The following STK24 variants were observed in gnomAD, a reference collection of about 807,000 sequenced individuals.
STK24 encodes serine/threonine kinase 24.
In STK24, 21 loss-of-function variants were observed where a neutral mutation model predicts 55.6. The ratio of observed to expected loss-of-function variants is 0.38; its 90% CI spans 0.27 to 0.54. The LOEUF (loss-of-function observed/expected upper bound fraction) is 0.54. STK24 is among the 20% of genes least tolerant of loss of function. The probability of loss-of-function intolerance (pLI) is 0.79; values close to 1 mark genes in which losing one functional copy is unlikely to be tolerated. For missense variants in STK24, 383 were observed against 538.4 expected, an observed-to-expected ratio of 0.71 and a Z score of 2.86; for synonymous variants, 200 against 215.2, an observed-to-expected ratio of 0.93 and a Z score of 0.62.
intron 2 of STK24, among the ~76,000 whole-genome samples, chr13:98,504,503 G>A (rs1396290250): frequency 6.6e-6 from 1 of 152,244 alleles, no homozygotes; most frequent in Non-Finnish European, 1.5e-5. Flanking sequence ...GTGGTTAACA[G>A]CAATCCCGCT....
intron 10 of STK24, chr13:98,456,699 G>A (rs542951134): frequency 7.2e-5 from 27 of 374,942 alleles, no homozygotes; most frequent in African/African-American, 5.7e-4. Flanking sequence ...CCCTACCAAG[G>A]AGGCTTCCAG....
Position 98,446,728 on chromosome 13 carries a change from C to T in STK24, c.*6445G>A, listed in dbSNP as rs534082071. 15 of 1,614,142 alleles carry T rather than the reference C, an allele frequency of 9.3e-6. No homozygotes were observed. Among genetic ancestry groups the T allele is most frequent in the African/African-American group, 6.7e-5 (5 of 75,044 alleles). ...ACTCGCTCACCATCCCCTCTGAGTC[C>T]GAGAACATCCAGAAAGACTACGTGT... On this transcript the variant is annotated 3_prime_UTR_variant, in exon 11 of 11. Transcript: ENST00000539966.
At chr13:98,523,867 G>C (rs1458165498) in intron 1 of STK24, among the ~76,000 whole-genome samples, 3 of 152,242 alleles carry the variant, frequency 2.0e-5, no homozygotes, top group Non-Finnish European at 4.4e-5. Flanking sequence ...CACTGCCCCA[G>C]CGGAGGCCCC....
chr13:98,546,943 C>T (rs1250226263), intron 1 of STK24, among the ~76,000 whole-genome samples: 2 of 151,948 alleles, frequency 1.3e-5, no homozygotes, highest in Non-Finnish European at 2.9e-5. Flanking sequence ...TGGAGTTTCA[C>T]TCTTGTTGCC....
chr13:98,507,240 G>A (rs1355268149), intron 2 of STK24, among the ~76,000 whole-genome samples: 1 of 152,256 alleles, frequency 6.6e-6, no homozygotes, highest in Non-Finnish European at 1.5e-5. Flanking sequence ...TGGGGGAGAA[G>A]TACTTAAGAG....
intron 5 of STK24, among the ~76,000 whole-genome samples, chr13:98,469,438 A>T (rs1393046570): frequency 2.0e-5 from 3 of 152,040 alleles, no homozygotes; most frequent in African/African-American, 7.2e-5. Context: ...AGTTCCAGCT[A>T]CTTGGGAGGC....
chr13:98,461,884 G>C lies in STK24; in HGVS notation c.943C>G (p.Gln315Glu), dbSNP rs772629882. ...SEDSDAETDGQASGGSDSGDW... is the reference protein window; with the variant it reads ...SEDSDAETDGEASGGSDSGDW... ...CCAGAATCACTGCCCCCCGAGGCTT[G>C]GCCATCTGTTTCCCTTAACACAGAA... is the stretch of plus-strand genomic sequence containing the variant. Residue 315 changes from glutamine (Q) to glutamate (E), a missense_variant, in exon 8 of 11, where the codon CAA becomes GAA. By Grantham distance (29) the Gln-to-Glu change is conservative. Coordinates refer to ENST00000539966, the MANE Select transcript of STK24 (RefSeq NM_001032296.4). 6.2e-7 allele frequency: 1 copy of C among 1,613,996 alleles called. No individual in the cohort carries two copies. Among genetic ancestry groups the C allele is most frequent in the Non-Finnish European group, 8.5e-7 (1 of 1,179,934 alleles).
intron 2 of STK24, among the ~76,000 whole-genome samples, chr13:98,498,563 C>A (rs1895332598): frequency 6.6e-6 from 1 of 152,110 alleles, no homozygotes; most frequent in South Asian, 2.1e-4. Context: ...TGGGATGAGC[C>A]CCTAAATTCT....
chr13:98,550,091 T>A (rs965737550), intron 1 of STK24, among the ~76,000 whole-genome samples: 4 of 152,234 alleles, frequency 2.6e-5, no homozygotes, highest in Non-Finnish European at 5.9e-5. Flanking sequence ...TGGCTAGGGT[T>A]GTAACACTGC....
rs536203537 is a variant in STK24, at chr13:98,449,261, C to G, written c.*3912G>C. ...GCACCTGTCGTTATTCCTATATCCT[C>G]CTGCAACTGTGGTTTGAAACTGCGC... On this transcript the variant is annotated 3_prime_UTR_variant, in exon 11 of 11. Coordinates refer to ENST00000539966, the MANE Select transcript of STK24 (RefSeq NM_001032296.4). 1 of 152,240 alleles carries G rather than the reference C, an allele frequency of 6.6e-6. No homozygotes were observed. The highest frequency in any genetic ancestry group is 1.5e-5 in the Non-Finnish European group (1 of 68,050). The allele number at this position is 152,240 out of a possible 1,614,324, so 9.4% of individuals were successfully genotyped here. A position where few individuals can be genotyped will look rare whatever the true frequency, so the allele number is the denominator to read the frequency against.
At chr13:98,484,987 T>C (rs1313352856) in intron 2 of STK24, among the ~76,000 whole-genome samples, 1 of 152,304 alleles carries the variant, frequency 6.6e-6, no homozygotes, top group East Asian at 1.9e-4. Context: ...TTGAGGTCAC[T>C]GCGTCTCAAA....
rs1555306354 is a variant in STK24 at position 98,503,041 on chromosome 13, T to TTTTTTTTTTTTTTTTC, written c.273+16201_273+16202insGAAAAAAAAAAAAAAA. On this transcript the variant is annotated intron_variant, in intron 2 of 10. Transcript: ENST00000539966. ...TTCCATGTGTTTTTTTTTTTTTTTT[T>TTTTTTTTTTTTTTTTC]CAGTATGGTACAACTGACCACCAAC... 1.2e-4 allele frequency among the ~76,000 whole-genome samples: 18 copies of TTTTTTTTTTTTTTTTC among 148,808 alleles called. 1 individual carries two copies. Among genetic ancestry groups the TTTTTTTTTTTTTTTTC allele is most frequent in the African/African-American group, 4.3e-4 (17 of 39,296 alleles).
At chr13:98,463,996 C>T (rs1236479538) in intron 6 of STK24, among the ~76,000 whole-genome samples, 160 bp from the exon 7 acceptor site, 1 of 152,196 alleles carries the variant, frequency 6.6e-6, no homozygotes, top group East Asian at 1.9e-4. Flanking sequence ...AAAGACGAGT[C>T]GCTCAGGACC....
chr13:98,512,319 A>G (rs1173256770), intron 2 of STK24, among the ~76,000 whole-genome samples: 1 of 152,226 alleles, frequency 6.6e-6, no homozygotes, highest in East Asian at 1.9e-4. Flanking sequence ...GTCGATGATG[A>G]TGGTGCCATG....
intron 1 of STK24, among the ~76,000 whole-genome samples, chr13:98,547,894 G>A (rs1216857344): frequency 1.3e-5 from 2 of 152,176 alleles, no homozygotes; most frequent in Non-Finnish European, 1.5e-5. Context: ...ATCCCACACT[G>A]TAGTTCTTAT....
rs577280904 is a variant in STK24 at position 98,509,667 on chromosome 13, G to T, written c.273+9576C>A. Among the ~76,000 whole-genome samples, 10 of 152,166 alleles carry T rather than the reference G, an allele frequency of 6.6e-5. No individual in the cohort carries two copies. In the South Asian group the frequency reaches 1.0e-3, roughly 16 times the overall value. ...TCCAGTTCTAGACCACACCCAAAAGGCCCAGCTCGCTGGCCAAGATAAGAA... is the reference window on the plus strand; with the variant it reads ...TCCAGTTCTAGACCACACCCAAAAGTCCCAGCTCGCTGGCCAAGATAAGAA... On this transcript the variant is annotated intron_variant, in intron 2 of 10. Coordinates refer to ENST00000539966, the MANE Select transcript of STK24 (RefSeq NM_001032296.4).
chr13:98,565,828 G>C (rs1897552418), intron 1 of STK24, among the ~76,000 whole-genome samples: 1 of 152,126 alleles, frequency 6.6e-6, no homozygotes, highest in South Asian at 2.1e-4. Context: ...GAAAACATCT[G>C]AAAGTCCAAG....
chr13:98,500,773 A>C lies in STK24; in HGVS notation c.274-18452T>G, dbSNP rs74981305. On this transcript the variant is annotated intron_variant, in intron 2 of 10. Coordinates refer to ENST00000539966, the MANE Select transcript of STK24 (RefSeq NM_001032296.4). Reference sequence around the variant, plus strand: ...ATGACAATAATTAGATTTAGCACACAGGCAAGTGCTGGGTAGGCCCAACTT... The same window carrying C: ...ATGACAATAATTAGATTTAGCACACCGGCAAGTGCTGGGTAGGCCCAACTT... Among the ~76,000 whole-genome samples, 91 of 152,016 alleles carry C rather than the reference A, an allele frequency of 6.0e-4. No individual in the cohort carries two copies. In the East Asian group the frequency reaches 0.016, roughly 26 times the overall value.
intron 2 of STK24, among the ~76,000 whole-genome samples, chr13:98,516,421 G>T (rs888476001): frequency 6.6e-6 from 1 of 152,196 alleles, no homozygotes; most frequent in Non-Finnish European, 1.5e-5. Flanking sequence ...CACTCCCTGA[G>T]CTATTCCACT....
Sources: gnomAD v4.1 joint callset for allele counts (sites outside exome capture counted in the v4.1 genomes callset) on GRCh38, gnomAD v4.1.1 for gene constraint, MANE v1.5 for transcripts, NCBI Gene and HGNC (gene_info 2026-07-23, HGNC 2026-07-21) for gene names.